Variants in ADRA1B observed in about 807,000 individuals in gnomAD.
The protein encoded by ADRA1B is alpha-1B adrenergic receptor.
In ADRA1B, 17 loss-of-function variants were observed where a neutral mutation model predicts 17.9. The observed-to-expected ratio is 0.95, with a 90% confidence interval of 0.65 to 1.42. ADRA1B has a LOEUF of 1.42. ADRA1B is among the 40% of genes most tolerant of loss of function. The probability of loss-of-function intolerance (pLI) is 0.00; values close to 1 mark genes in which losing one functional copy is unlikely to be tolerated. For synonymous variants in ADRA1B, 366 were observed against 327.6 expected (o/e 1.12, Z -1.27); for missense variants, 681 against 722.1 (o/e 0.94, Z 0.65).
At chr5:159,945,689 A>G (rs527505692) in intron 1 of ADRA1B, among the ~76,000 whole-genome samples, 33 of 151,750 alleles carry the variant, frequency 2.2e-4, no homozygotes, top group African/African-American at 6.0e-4. Flanking sequence ...ATTGAAAATC[A>G]TGGGGGGGTT....
intron 1 of ADRA1B, among the ~76,000 whole-genome samples, chr5:159,924,421 C>T (rs531852243): frequency 9.9e-5 from 15 of 152,000 alleles, no homozygotes; most frequent in Middle Eastern, 3.4e-3. Flanking sequence ...GACACCATGG[C>T]GGCTAGACAC....
At chr5:159,899,263 A>AAGGAAAG (rs1754070513) in intron 1 of ADRA1B, among the ~76,000 whole-genome samples, 1 of 106,412 alleles carries the variant, frequency 9.4e-6, no homozygotes, top group Non-Finnish European at 1.9e-5. Flanking sequence ...AGGAAGGAAG[A>AAGGAAAG]AAGGAAGGAA....
At chr5:159,922,686 GA>G (rs1175031708) in intron 1 of ADRA1B, among the ~76,000 whole-genome samples, 1 of 151,720 alleles carries the variant, frequency 6.6e-6, no homozygotes, top group Non-Finnish European at 1.5e-5. Context: ...CCAACCAAAA[GA>G]AAAAGTGGGA....
chr5:159,871,542 T>G (rs779440465), intron 1 of ADRA1B, among the ~76,000 whole-genome samples: 1 of 152,182 alleles, frequency 6.6e-6, no homozygotes, highest in Non-Finnish European at 1.5e-5. Context: ...GCTCCTCCCC[T>G]GTGTCCTTAT....
intron 1 of ADRA1B, among the ~76,000 whole-genome samples, chr5:159,970,204 CT>C (rs943575033): frequency 6.6e-6 from 1 of 152,068 alleles, no homozygotes; most frequent in African/African-American, 2.4e-5. Flanking sequence ...GATTTATTTC[CT>C]TTTATTCCCA....
downstream of ADRA1B, among the ~76,000 whole-genome samples, chr5:159,974,943 C>CT (rs1304250670): frequency 2.0e-5 from 3 of 152,104 alleles, no homozygotes; most frequent in Non-Finnish European, 4.4e-5. Context: ...TGTCCAGTAC[C>CT]TTTTACATTC....
chr5:159,884,930 G>T (rs1485840276), intron 1 of ADRA1B, among the ~76,000 whole-genome samples: 1 of 152,218 alleles, frequency 6.6e-6, no homozygotes, highest in African/African-American at 2.4e-5. Flanking sequence ...GTGAGTGACA[G>T]GCTGGAATCT....
intron 1 of ADRA1B, among the ~76,000 whole-genome samples, chr5:159,896,735 T>C (rs1754044745): frequency 6.6e-6 from 1 of 152,140 alleles, no homozygotes; most frequent in East Asian, 1.9e-4. Context: ...AAATCACAAA[T>C]GTAACAACCC....
At chr5:159,895,729 A>G (rs1471214347) in intron 1 of ADRA1B, among the ~76,000 whole-genome samples, 2 of 152,228 alleles carry the variant, frequency 1.3e-5, no homozygotes, top group Non-Finnish European at 2.9e-5. Flanking sequence ...CTGCAGTCCA[A>G]ATGTATTCAA....
intron 1 of ADRA1B, among the ~76,000 whole-genome samples, chr5:159,883,817 G>C (rs1055788934): frequency 6.6e-6 from 1 of 152,218 alleles, no homozygotes; most frequent in African/African-American, 2.4e-5. Flanking sequence ...ACTGGTTCTT[G>C]AGAGAACTCC....
Position 159,867,221 on chromosome 5 carries a change from T to C in ADRA1B, c.-256+2015T>C, listed in dbSNP as rs144475645. The stretch of plus-strand genomic sequence containing the variant: ...GCCTTGAACCCTGAATTCTACAGCA[T>C]GGGAAAGCCTTAAGCCATCCTCAAG... On this transcript the variant is annotated intron_variant, in intron 1 of 2. Transcript: ENST00000641205. Among the ~76,000 whole-genome samples the C allele has an allele frequency of 4.7e-3, 710 of 152,296 alleles. 3 individuals are homozygous for C. The highest frequency in any genetic ancestry group is 7.6e-3 in the Non-Finnish European group (518 of 68,024).
At chr5:159,968,725 C>A (rs1581072754) in intron 1 of ADRA1B, among the ~76,000 whole-genome samples, 1 of 152,266 alleles carries the variant, frequency 6.6e-6, no homozygotes, top group East Asian at 1.9e-4. Flanking sequence ...AACTTTACCT[C>A]CCTCACTCTA....
intron 1 of ADRA1B, among the ~76,000 whole-genome samples, chr5:159,891,410 C>T (rs1257389004): frequency 1.3e-5 from 2 of 152,266 alleles, no homozygotes; most frequent in Middle Eastern, 3.4e-3. Flanking sequence ...GGTTAAGACC[C>T]AGCCCCTCAG....
At chr5:159,929,947 ACT>A (rs1396053546) in intron 1 of ADRA1B, among the ~76,000 whole-genome samples, 1 of 151,948 alleles carries the variant, frequency 6.6e-6, no homozygotes, top group African/African-American at 2.4e-5. Flanking sequence ...GTGTGTTTTC[ACT>A]CTGTTTATTT....
At chr5:159,885,233 T>G (rs1581019804) in intron 1 of ADRA1B, among the ~76,000 whole-genome samples, 2 of 152,166 alleles carry the variant, frequency 1.3e-5, no homozygotes, top group East Asian at 1.9e-4. Flanking sequence ...ATAGTGAAAT[T>G]TATTTATTTT....
chr5:159,972,220 C>A lies in ADRA1B; in HGVS notation c.1291C>A (p.Leu431Met). 7.5e-7 allele frequency: 1 copy of A among 1,339,364 alleles called. No individual in the cohort carries two copies. Among genetic ancestry groups the A allele is most frequent in the Non-Finnish European group, 9.6e-7 (1 of 1,042,442 alleles). The allele number at this position is 1,339,364 out of a possible 1,614,324, so 83.0% of individuals were successfully genotyped here. A position where few individuals can be genotyped will look rare whatever the true frequency, so the allele number is the denominator to read the frequency against. Residue 431 changes from leucine to methionine, a missense_variant, in exon 2 of 2, where the codon CTG (leucine) becomes ATG (methionine). This residue lies in a region of ADRA1B where 251 missense variants were observed against 224.9 expected (regional missense o/e 1.12). Coordinates refer to ENST00000306675, the MANE Select transcript of ADRA1B (RefSeq NM_000679.4). The stretch of plus-strand genomic sequence containing the variant: ...CTCGGCCTCGCCGAGCCCGGGCTAC[C>A]TGGGCCGCGGCGCGCCACCGCCAGT... ...LPSASPSPGY[L>M]GRGAPPPVEL...
chr5:159,891,927 C>A (rs1198556075), intron 1 of ADRA1B, among the ~76,000 whole-genome samples: 1 of 152,122 alleles, frequency 6.6e-6, no homozygotes, highest in Non-Finnish European at 1.5e-5. Context: ...GAAAGGGGTT[C>A]CTCGTGATAA....
chr5:159,960,787 T>G lies in ADRA1B; in HGVS notation c.950-11092T>G, dbSNP rs140081441. On this transcript the variant is annotated intron_variant, in intron 1 of 1. Coordinates refer to ENST00000306675, the MANE Select transcript of ADRA1B (RefSeq NM_000679.4). ...TTTCTAACCAGCACTCAGGTGCTGC[T>G]TATCCATGAACCTCATTTTGCATAG... 2.4e-3 allele frequency among the ~76,000 whole-genome samples: 358 copies of G among 152,250 alleles called. 3 individuals carry two copies. Among genetic ancestry groups the G allele is most frequent in the African/African-American group, 8.4e-3 (349 of 41,552 alleles).
intron 1 of ADRA1B, among the ~76,000 whole-genome samples, chr5:159,925,797 C>G (rs1754631085): frequency 6.6e-6 from 1 of 152,224 alleles, no homozygotes; most frequent in African/African-American, 2.4e-5. Flanking sequence ...GTATTACCAC[C>G]TGCATACGGA....
Sources: allele counts gnomAD v4.1 joint callset (sites outside exome capture counted in the v4.1 genomes callset), GRCh38; gene constraint gnomAD v4.1.1; regional missense constraint gnomAD v4.1.1; transcripts MANE v1.5; gene names NCBI Gene and HGNC (gene_info 2026-07-23, HGNC 2026-07-21).